BAZ2B: variants seen among roughly 807,000 people sequenced by gnomAD.
BAZ2B encodes bromodomain adjacent to zinc finger domain 2B.
BAZ2B carries 91 observed loss-of-function variants against 246.0 expected under a neutral mutation model. The observed-to-expected ratio is 0.37, with a 90% CI of 0.31 to 0.44. BAZ2B has a LOEUF of 0.44. Among genes scored for constraint, BAZ2B ranks in the 20% least tolerant of loss-of-function variants. The pLI, the probability that BAZ2B is intolerant of heterozygous loss-of-function variation, is 1.00. For missense variants in BAZ2B, 2,332 were observed against 2,533.7 expected (o/e 0.92, Z 1.71); for synonymous variants, 855 against 860.0 (o/e 0.99, Z 0.10).
At chr2:159,507,540 G>A (rs2082459404) in intron 2 of BAZ2B, among the ~76,000 whole-genome samples, 1 of 152,110 alleles carries the variant, frequency 6.6e-6, no homozygotes, top group African/African-American at 2.4e-5. Context: ...GGTATTAAGG[G>A]TTTTTGAATG....
intron 20 of BAZ2B, chr2:159,392,363 A>G (rs758043579): frequency 6.6e-6 from 1 of 150,454 alleles, no homozygotes; most frequent in Non-Finnish European, 1.5e-5. Context: ...TTTTTTTTTT[A>G]TCGTTCCCAC....
At position 159,330,661 on chromosome 2, in the gene BAZ2B, C is replaced by T. The variant is rs537829907; in HGVS notation, c.5943+1879G>A. 3.3e-5 allele frequency among the ~76,000 whole-genome samples: 5 copies of T among 151,768 alleles called. No homozygotes were observed. In the South Asian group the frequency reaches 1.0e-3, roughly 32 times the overall value. Reference sequence around the variant, plus strand: ...ATCAGCTGAGCCCAGGAGTTTGAGACCAGCCTGGGCACATAGCGAGAACCC... The same window carrying T: ...ATCAGCTGAGCCCAGGAGTTTGAGATCAGCCTGGGCACATAGCGAGAACCC... On this transcript the variant is annotated intron_variant, in intron 34 of 36. Coordinates refer to ENST00000392783, the MANE Select transcript of BAZ2B (RefSeq NM_013450.4).
chr2:159,322,487 A>C (rs557620768), intron 36 of BAZ2B, among the ~76,000 whole-genome samples: 5 of 152,174 alleles, frequency 3.3e-5, no homozygotes, highest in Non-Finnish European at 5.9e-5. Flanking sequence ...CAGATACTTC[A>C]TCTAAATGGA....
intron 20 of BAZ2B, among the ~76,000 whole-genome samples, chr2:159,391,262 T>G (rs1291409870): frequency 6.6e-6 from 1 of 152,210 alleles, no homozygotes. Flanking sequence ...TGTTTGTCAC[T>G]AAAGAATTGC....
At position 159,403,032 on chromosome 2, in the gene BAZ2B, T is replaced by G. The variant is rs2065332066; in HGVS notation, c.2832+1817A>C. 3.9e-5 allele frequency among the ~76,000 whole-genome samples: 6 copies of G among 152,322 alleles called. No individual in the cohort carries two copies. In the South Asian group the frequency reaches 1.2e-3, roughly 32 times the overall value. On this transcript the variant is annotated intron_variant, in intron 16 of 36. Coordinates refer to ENST00000392783, the MANE Select transcript of BAZ2B (RefSeq NM_013450.4). ...AGAGTCCTCGTCAGATCCCAATGCC[T>G]GTGTGCCTCCTGCTTTGTAATAATG...
chr2:159,385,298 C>G lies in BAZ2B; in HGVS notation c.3543G>C (p.Gln1181His), dbSNP rs1214464123. The change falls in exon 23 of 37, where the codon CAG becomes CAC. Residue 1181 changes from glutamine to histidine, a missense_variant. Physicochemically the swap from Gln to His is conservative, Grantham distance 24. This residue lies in a region of BAZ2B where 328 missense variants were observed against 410.4 expected (regional missense o/e 0.80). Transcript: ENST00000392783. Reference sequence around the variant, plus strand: ...GTCCACAGTGGGCTTCCATAAATATCTGTAAAATCTCGGAAACATTGTCTC... The same window carrying G: ...GTCCACAGTGGGCTTCCATAAATATGTGTAAAATCTCGGAAACATTGTCTC... ...VNRDNVSEIL[Q>H]IFMEAHCGQT... is the part of the protein sequence containing the mutation. 2 of 1,613,450 alleles carry G rather than the reference C, an allele frequency of 1.2e-6. No homozygotes were observed. The highest frequency in any genetic ancestry group is 1.7e-6 in the Non-Finnish European group (2 of 1,179,618).
Position 159,574,142 on chromosome 2 carries a change from T to TACAC in BAZ2B, c.-45-18281_-45-18278dup, listed in dbSNP as rs70997110. 2.2e-3 allele frequency among the ~76,000 whole-genome samples: 325 copies of TACAC among 145,130 alleles called. 2 individuals carry two copies. Among genetic ancestry groups the TACAC allele is most frequent in the African/African-American group, 7.0e-3 (277 of 39,688 alleles). ...ACAGACACACACACACACACACACA[T>TACAC]ACACACACACACACACACACACACA... On this transcript the variant is annotated intron_variant, in intron 1 of 36. Transcript: ENST00000392783.
At chr2:159,433,392 C>T in intron 8 of BAZ2B, 29 bp from the exon 9 acceptor site, 1 of 1,562,292 alleles carries the variant, frequency 6.4e-7, no homozygotes, top group Non-Finnish European at 8.7e-7. Flanking sequence ...AAAAACACAA[C>T]AAAATGTACC....
At chr2:159,604,120 A>G (rs1350980268) in intron 1 of BAZ2B, among the ~76,000 whole-genome samples, 1 of 152,204 alleles carries the variant, frequency 6.6e-6, no homozygotes, top group Non-Finnish European at 1.5e-5. Flanking sequence ...GATTAACTGT[A>G]AGAAGGAATA....
intron 27 of BAZ2B, among the ~76,000 whole-genome samples, chr2:159,366,294 T>G (rs954229469): frequency 6.6e-6 from 1 of 152,196 alleles, no homozygotes; most frequent in Non-Finnish European, 1.5e-5. Flanking sequence ...GACAGTGTGT[T>G]AACCCCAGAA....
intron 2 of BAZ2B, among the ~76,000 whole-genome samples, chr2:159,506,002 G>A (rs2082291417): frequency 6.6e-6 from 1 of 152,188 alleles, no homozygotes; most frequent in African/African-American, 2.4e-5. Flanking sequence ...ACAGTTGTGA[G>A]AACTCCCAGC....
At chr2:159,672,150 T>C in the BAZ2B span, among the ~76,000 whole-genome samples, 2 of 152,206 alleles carry the variant, frequency 1.3e-5, no homozygotes, top group African/African-American at 4.8e-5. Context: ...GACGTGAGAA[T>C]AGTTTTCTAG....
chr2:159,491,720 C>CAAAAAAAAA lies in BAZ2B; in HGVS notation c.-2-13008_-2-13000dup, dbSNP rs773067675. 6.8e-4 allele frequency among the ~76,000 whole-genome samples: 20 copies of CAAAAAAAAA among 29,558 alleles called. 4 individuals are homozygous for CAAAAAAAAA. Among genetic ancestry groups the CAAAAAAAAA allele is most frequent in the African/African-American group, 2.8e-3 (13 of 4,576 alleles). 19.4% of individuals were successfully genotyped at this position (29,558 alleles called of 152,430 possible). A position where few individuals can be genotyped will look rare whatever the true frequency, so the allele number is the denominator to read the frequency against. Reference sequence around the variant, plus strand: ...CGGGCGACAGAGCGAGACTCCGTCTCAAAAAAAAAAAAAAAAAAAAAAAAA... The same window carrying CAAAAAAAAA: ...CGGGCGACAGAGCGAGACTCCGTCTCAAAAAAAAAAAAAAAAAAAAAAAAAAAAAAAAAA... On this transcript the variant is annotated intron_variant, in intron 2 of 36. Coordinates refer to ENST00000392783, the MANE Select transcript of BAZ2B (RefSeq NM_013450.4).
At chr2:159,559,923 C>G (rs1279301761) in intron 1 of BAZ2B, among the ~76,000 whole-genome samples, 1 of 152,086 alleles carries the variant, frequency 6.6e-6, no homozygotes, top group Non-Finnish European at 1.5e-5. Context: ...TAAATATGCA[C>G]AGACAAAAAT....
chr2:159,663,192 T>TG, the BAZ2B span, among the ~76,000 whole-genome samples: 206 of 150,888 alleles, frequency 1.4e-3, no homozygotes, highest in Middle Eastern at 6.9e-3. Context: ...TTGTTGTTGT[T>TG]TTTTTTTTCT....
chr2:159,627,739 T>C, the BAZ2B span, among the ~76,000 whole-genome samples: 4 of 152,112 alleles, frequency 2.6e-5, no homozygotes, highest in African/African-American at 9.7e-5. Context: ...TTTGGAAGCA[T>C]TGCCTTTGAA....
Position 159,438,602 on chromosome 2 carries a change from C to T in BAZ2B, c.994G>A (p.Ala332Thr). The T allele has an allele frequency of 6.2e-7, 1 of 1,614,120 alleles. No homozygotes were observed. The highest frequency in any genetic ancestry group is 8.5e-7 in the Non-Finnish European group (1 of 1,180,014). The part of the protein sequence containing the change: ...EKRIHQPLPL[A>T]SESQTHSFQS... The stretch of plus-strand genomic sequence containing the variant: ...AATGAGTGAGTCTGGGATTCAGACG[C>T]AAGAGGTAATGGCTGGTGTATTCTT... Residue 332 changes from alanine to threonine, a missense_variant, in exon 8 of 37, where the codon GCG becomes ACG. Physicochemically the swap from Ala to Thr is moderately conservative, Grantham distance 58. Coordinates refer to ENST00000392783, the MANE Select transcript of BAZ2B (RefSeq NM_013450.4).
chr2:159,523,987 G>C (rs1471641117), intron 2 of BAZ2B, among the ~76,000 whole-genome samples: 2 of 152,064 alleles, frequency 1.3e-5, no homozygotes, highest in Non-Finnish European at 2.9e-5. Flanking sequence ...GTAATATGAG[G>C]AATAAGAGGG....
chr2:159,385,464 A>C (rs991278335), intron 22 of BAZ2B, 95 bp from the exon 23 acceptor site: 4 of 1,084,240 alleles, frequency 3.7e-6, no homozygotes, highest in African/African-American at 3.2e-5. Flanking sequence ...TGATTTAGAT[A>C]CTACTGACAA....
Sources: allele counts gnomAD v4.1 joint callset (sites outside exome capture counted in the v4.1 genomes callset), GRCh38; gene constraint gnomAD v4.1.1; regional missense constraint gnomAD v4.1.1; transcripts MANE v1.5; gene names NCBI Gene and HGNC (gene_info 2026-07-23, HGNC 2026-07-21).